Variants in SNTG2 observed in about 807,000 individuals in gnomAD.
SNTG2 encodes the protein gamma-2-syntrophin.
SNTG2 carries 74 observed loss-of-function variants against 70.9 expected under a neutral mutation model. The observed-to-expected ratio is 1.04, with a 90% CI of 0.86 to 1.27. The LOEUF is 1.27. SNTG2 is among the 50% of genes most tolerant of loss of function. The probability of loss-of-function intolerance (pLI) is 0.00; values close to 1 mark genes in which losing one functional copy is unlikely to be tolerated. For missense variants in SNTG2, 717 were observed against 690.7 expected, an observed-to-expected ratio of 1.04 and a Z score of -0.43; for synonymous variants, 278 against 273.8, an observed-to-expected ratio of 1.02 and a Z score of -0.15.
chr2:1,139,784 C>T (rs2147770426), intron 6 of SNTG2, among the ~76,000 whole-genome samples: 1 of 140,236 alleles, frequency 7.1e-6, no homozygotes, highest in Non-Finnish European at 1.5e-5. Context: ...GCTATTATGG[C>T]TCCCTACACT....
chr2:1,337,258 A>G (rs1402092950), intron 16 of SNTG2, among the ~76,000 whole-genome samples: 1 of 152,108 alleles, frequency 6.6e-6, no homozygotes, highest in Non-Finnish European at 1.5e-5. Context: ...TTTTTTGAGG[A>G]ACTCCCATAC....
At chr2:1,187,532 CAT>C (rs1283637843) in intron 8 of SNTG2, among the ~76,000 whole-genome samples, 1 of 152,176 alleles carries the variant, frequency 6.6e-6, no homozygotes, top group Non-Finnish European at 1.5e-5. Context: ...TCCACAATCA[CAT>C]AAAGCAGTCC....
chr2:1,092,577 A>G (rs1665104430), intron 2 of SNTG2, among the ~76,000 whole-genome samples: 1 of 152,250 alleles, frequency 6.6e-6, no homozygotes, highest in Non-Finnish European at 1.5e-5. Context: ...CAGCCATAAC[A>G]AATTTAAATT....
At chr2:999,317 C>T (rs1661790842) in intron 1 of SNTG2, among the ~76,000 whole-genome samples, 1 of 152,056 alleles carries the variant, frequency 6.6e-6, no homozygotes, top group African/African-American at 2.4e-5. Flanking sequence ...AAATGGATGA[C>T]ATGTTTCACT....
intron 1 of SNTG2, among the ~76,000 whole-genome samples, chr2:1,072,790 CCACTAAGTA>C (rs1663664138): frequency 2.0e-5 from 3 of 152,128 alleles, no homozygotes; most frequent in Non-Finnish European, 4.4e-5. Context: ...ATTCTAGATG[CCACTAAGTA>C]CACTAAGTAC....
chr2:1,142,112 A>G (rs1426359242), intron 6 of SNTG2, among the ~76,000 whole-genome samples: 2 of 152,202 alleles, frequency 1.3e-5, no homozygotes, highest in Non-Finnish European at 2.9e-5. Context: ...CTCTCCCTGA[A>G]ATTGATTGAG....
intron 1 of SNTG2, among the ~76,000 whole-genome samples, chr2:975,631 A>G (rs1660886340): frequency 6.8e-6 from 1 of 147,812 alleles, no homozygotes; most frequent in Admixed American, 6.8e-5. Context: ...TACACCACAT[A>G]CAGCTTAATG....
intron 1 of SNTG2, among the ~76,000 whole-genome samples, chr2:963,989 G>A (rs577118948): frequency 2.0e-5 from 3 of 152,000 alleles, no homozygotes; most frequent in Admixed American, 2.0e-4. Flanking sequence ...AGCTGCCTGC[G>A]TTTTCCTGTC....
At chr2:1,281,227 T>TGTGTGTGTG (rs1572914479) in intron 14 of SNTG2, among the ~76,000 whole-genome samples, 2 of 69,556 alleles carry the variant, frequency 2.9e-5, no homozygotes, top group South Asian at 4.9e-4. Context: ...GTGTTTGTGT[T>TGTGTGTGTG]TATGTGGTGT....
chr2:1,165,353 T>TG (rs1374829591), intron 6 of SNTG2, among the ~76,000 whole-genome samples, 195 bp from the exon 7 acceptor site: 1 of 151,844 alleles, frequency 6.6e-6, no homozygotes, highest in South Asian at 2.1e-4. Flanking sequence ...AGATAGAGTG[T>TG]GGGGGGTAGG....
At chr2:1,224,415 C>T (rs1211861022) in intron 9 of SNTG2, among the ~76,000 whole-genome samples, 3 of 152,188 alleles carry the variant, frequency 2.0e-5, no homozygotes, top group African/African-American at 7.2e-5. Flanking sequence ...CCACCTGACC[C>T]TTGACCTTTG....
At chr2:1,019,865 A>C (rs898752060) in intron 1 of SNTG2, among the ~76,000 whole-genome samples, 1 of 152,098 alleles carries the variant, frequency 6.6e-6, no homozygotes, top group Non-Finnish European at 1.5e-5. Context: ...CAACATGGTG[A>C]AACCCCGTCT....
chr2:958,036 CT>C (rs1373872531), intron 1 of SNTG2, among the ~76,000 whole-genome samples: 8 of 152,128 alleles, frequency 5.3e-5, no homozygotes, highest in Non-Finnish European at 8.8e-5. Context: ...TTGCTAACAT[CT>C]ACTAGGTACT....
At chr2:1,023,653 C>A (rs751864617) in intron 1 of SNTG2, among the ~76,000 whole-genome samples, 2 of 152,198 alleles carry the variant, frequency 1.3e-5, no homozygotes, top group Admixed American at 6.5e-5. Flanking sequence ...CTGGTCAGCC[C>A]TTGCAAGGAC....
chr2:1,080,388 A>C (rs1664207209), intron 1 of SNTG2, among the ~76,000 whole-genome samples: 1 of 152,186 alleles, frequency 6.6e-6, no homozygotes, highest in Non-Finnish European at 1.5e-5. Context: ...CCAACTTTAC[A>C]ACTCCAGGCT....
intron 10 of SNTG2, 42 bp downstream of exon 10, chr2:1,238,059 G>A (rs763116497): frequency 5.7e-6 from 9 of 1,572,934 alleles, no homozygotes; most frequent in Admixed American, 5.2e-5. Context: ...ATGCTCATTC[G>A]TGCATGAAAA....
At chr2:1,325,513 A>G (rs1681723239) in intron 16 of SNTG2, among the ~76,000 whole-genome samples, 1 of 152,246 alleles carries the variant, frequency 6.6e-6, no homozygotes, top group Admixed American at 6.5e-5. Context: ...CCTCATGAAC[A>G]CATCAGTTTT....
chr2:1,314,542 C>T (rs1681178404), intron 15 of SNTG2, among the ~76,000 whole-genome samples: 1 of 152,214 alleles, frequency 6.6e-6, no homozygotes, highest in African/African-American at 2.4e-5. Context: ...CTGGGACAGG[C>T]CCTCCAGGCC....
intron 9 of SNTG2, among the ~76,000 whole-genome samples, chr2:1,223,684 G>A (rs1675529376): frequency 6.6e-6 from 1 of 152,266 alleles, no homozygotes. Context: ...CCCAAAGAGG[G>A]AGGAGCCAGG....
Sources: gnomAD v4.1 joint callset for allele counts (sites outside exome capture counted in the v4.1 genomes callset) on GRCh38, gnomAD v4.1.1 for gene constraint, MANE v1.5 for transcripts, NCBI Gene and HGNC (gene_info 2026-07-23, HGNC 2026-07-21) for gene names.